The following GLRA3 variants were observed in gnomAD, a reference collection of about 807,000 sequenced individuals.
GLRA3 encodes glycine receptor subunit alpha-3.
In GLRA3, 44 loss-of-function variants were observed where a neutral mutation model predicts 60.4. That is an observed-to-expected ratio of 0.73 (90% CI 0.57 to 0.94). GLRA3 has a LOEUF of 0.94. Among genes scored for constraint, GLRA3 ranks in the 40% least tolerant of loss-of-function variants. The probability of loss-of-function intolerance (pLI) is 0.00; values close to 1 mark genes in which losing one functional copy is unlikely to be tolerated. For synonymous variants in GLRA3, 223 were observed against 192.9 expected (o/e 1.16, Z -1.29); for missense variants, 508 against 564.6 (o/e 0.90, Z 1.02).
intron 3 of GLRA3, among the ~76,000 whole-genome samples, chr4:174,741,385 A>C (rs1737020010): frequency 6.6e-6 from 1 of 152,164 alleles, no homozygotes; most frequent in Non-Finnish European, 1.5e-5. Flanking sequence ...ATATCTTTTT[A>C]GTGAAGTGTA....
At chr4:174,733,377 A>G (rs1027550054) in intron 3 of GLRA3, among the ~76,000 whole-genome samples, 1 of 152,174 alleles carries the variant, frequency 6.6e-6, no homozygotes, top group Admixed American at 6.5e-5. Flanking sequence ...AGTTTTCTGT[A>G]TGTTGTGTTT....
At chr4:174,648,629 C>A (rs1403488126) in intron 9 of GLRA3, among the ~76,000 whole-genome samples, 2 of 152,118 alleles carry the variant, frequency 1.3e-5, no homozygotes, top group African/African-American at 4.8e-5. Flanking sequence ...AACCATATCC[C>A]CCAACCAAAA....
At chr4:174,821,691 T>C (rs1371688876) in intron 1 of GLRA3, among the ~76,000 whole-genome samples, 2 of 152,136 alleles carry the variant, frequency 1.3e-5, no homozygotes, top group Non-Finnish European at 2.9e-5. Flanking sequence ...ATACATTACA[T>C]TACACAATAC....
In GLRA3 at chr4:174,766,996, G is replaced by T; in HGVS notation, c.234C>A (p.Ile78=). The T allele has an allele frequency of 1.2e-6, 2 of 1,602,836 alleles. No homozygotes were observed. Among genetic ancestry groups the T allele is most frequent in the Non-Finnish European group, 1.7e-6 (2 of 1,171,068 alleles). ...TCTCTGCGATAGAGCCAAAGCTGTT[G>T]ATGAATATGTTGCATGTGACATTAA... ...PPVNVTCNIF[I]NSFGSIAETT... is the part of the protein sequence containing the mutation. Residue 78 remains isoleucine (I), a synonymous_variant, in exon 3 of 10, where the codon ATC becomes ATA. Transcript: ENST00000274093.
At chr4:174,798,899 C>T (rs113530386) in intron 1 of GLRA3, among the ~76,000 whole-genome samples, 1 of 149,866 alleles carries the variant, frequency 6.7e-6, no homozygotes, top group Non-Finnish European at 1.5e-5. Context: ...CCAGCCTGGG[C>T]GACAGAGGGA....
intron 3 of GLRA3, among the ~76,000 whole-genome samples, chr4:174,756,745 C>T (rs1208164867): frequency 2.0e-5 from 3 of 151,534 alleles, no homozygotes; most frequent in East Asian, 2.0e-4. Context: ...CCCGGGTTCA[C>T]GCCATTCTCC....
chr4:174,686,661 G>A (rs188527334), intron 5 of GLRA3, among the ~76,000 whole-genome samples: 3 of 152,162 alleles, frequency 2.0e-5, no homozygotes, highest in Admixed American at 2.0e-4. Context: ...CATTTAGCGC[G>A]GGGTTCTGTG....
chr4:174,744,848 G>T (rs1737174974), intron 3 of GLRA3, among the ~76,000 whole-genome samples: 1 of 152,102 alleles, frequency 6.6e-6, no homozygotes, highest in South Asian at 2.1e-4. Context: ...TCAAAATTAT[G>T]ATATTAAAAA....
chr4:174,669,477 G>C (rs1268404043), intron 7 of GLRA3, among the ~76,000 whole-genome samples: 2 of 152,112 alleles, frequency 1.3e-5, no homozygotes, highest in African/African-American at 4.8e-5. Context: ...ACTCACAACA[G>C]TCTTGCTGGT....
At chr4:174,672,145 G>A (rs1418337788) in intron 7 of GLRA3, among the ~76,000 whole-genome samples, 3 of 152,096 alleles carry the variant, frequency 2.0e-5, no homozygotes, top group Non-Finnish European at 4.4e-5. Context: ...GAAATTTCAA[G>A]GACTCATTAT....
At chr4:174,803,725 T>A (rs1189035571) in intron 1 of GLRA3, among the ~76,000 whole-genome samples, 1 of 152,152 alleles carries the variant, frequency 6.6e-6, no homozygotes, top group Non-Finnish European at 1.5e-5. Flanking sequence ...TGAAGAGAAA[T>A]CCACTCAACC....
chr4:174,731,813 G>C (rs1736557351), intron 3 of GLRA3, among the ~76,000 whole-genome samples: 1 of 152,058 alleles, frequency 6.6e-6, no homozygotes. Context: ...GAGAAAAAGA[G>C]AAACAACTGA....
intron 5 of GLRA3, among the ~76,000 whole-genome samples, chr4:174,693,842 C>T (rs1422971668): frequency 6.6e-6 from 1 of 152,042 alleles, no homozygotes; most frequent in Non-Finnish European, 1.5e-5. Context: ...CTCAAGAGAC[C>T]AATCTCACAG....
At chr4:174,655,473 T>C (rs1327187001) in intron 9 of GLRA3, among the ~76,000 whole-genome samples, 1 of 152,162 alleles carries the variant, frequency 6.6e-6, no homozygotes, top group Non-Finnish European at 1.5e-5. Flanking sequence ...TGTTTTTTCA[T>C]TAGAGTTTTC....
chr4:174,707,255 C>A (rs935124426), intron 5 of GLRA3, among the ~76,000 whole-genome samples: 2 of 152,084 alleles, frequency 1.3e-5, no homozygotes, highest in African/African-American at 4.8e-5. Context: ...TTGTTCAATT[C>A]TCTGGATGAT....
chr4:174,672,912 G>A (rs553552245), intron 7 of GLRA3, among the ~76,000 whole-genome samples: 12 of 152,100 alleles, frequency 7.9e-5, no homozygotes, highest in South Asian at 4.2e-4. Flanking sequence ...GAATGTGTGC[G>A]TTGTGTATAG....
At chr4:174,700,198 A>C (rs1243964747) in intron 5 of GLRA3, among the ~76,000 whole-genome samples, 2 of 152,152 alleles carry the variant, frequency 1.3e-5, no homozygotes, top group East Asian at 3.9e-4. Context: ...CTGTGTCTTT[A>C]CTGCAGGCAT....
At chr4:174,729,041 C>T (rs373079579) in intron 3 of GLRA3, among the ~76,000 whole-genome samples, 21 of 152,306 alleles carry the variant, frequency 1.4e-4, no homozygotes, top group African/African-American at 5.1e-4. Context: ...CCAGGATCCT[C>T]ACTGATTACC....
intron 3 of GLRA3, among the ~76,000 whole-genome samples, chr4:174,761,795 C>T (rs1426310977): frequency 6.6e-6 from 1 of 152,142 alleles, no homozygotes; most frequent in African/African-American, 2.4e-5. Context: ...CTACTTTTGA[C>T]TTGAGTGTGG....
Sources: gnomAD v4.1 joint callset for allele counts (sites outside exome capture counted in the v4.1 genomes callset) on GRCh38, gnomAD v4.1.1 for gene constraint, MANE v1.5 for transcripts, NCBI Gene and HGNC (gene_info 2026-07-23, HGNC 2026-07-21) for gene names.